The following KLRG1 variants were observed in gnomAD, a reference collection of about 807,000 sequenced individuals.
The protein encoded by KLRG1 is killer cell lectin-like receptor subfamily G member 1.
Under a neutral mutation model 21.8 loss-of-function variants are expected in KLRG1, and 16 were observed. The ratio of observed to expected loss-of-function variants is 0.73; its 90% confidence interval spans 0.50 to 1.11. KLRG1 has a LOEUF of 1.11. KLRG1 is among the 50% of genes most tolerant of loss of function. The probability of loss-of-function intolerance (pLI) is 0.00; values close to 1 mark genes in which losing one functional copy is unlikely to be tolerated. For synonymous variants in KLRG1, 69 were observed against 75.9 expected, an observed-to-expected ratio of 0.91 and a Z score of 0.47; for missense variants, 173 against 218.3, an observed-to-expected ratio of 0.79 and a Z score of 1.31.
At chr12:9,107,903 C>A in the KLRG1 span, among the ~76,000 whole-genome samples, 1 of 150,864 alleles carries the variant, frequency 6.6e-6, no homozygotes, top group East Asian at 1.9e-4. Flanking sequence ...TTAAAAAAGT[C>A]TTTCTTATTA....
chr12:9,149,604 T>G, the KLRG1 span: 12 of 1,612,814 alleles, frequency 7.4e-6, no homozygotes, highest in Non-Finnish European at 9.3e-6. Context: ...CAGACTCATC[T>G]GAAAGATAAC....
At chr12:9,003,625 G>A (rs779201162) in intron 3 of KLRG1, among the ~76,000 whole-genome samples, 1 of 151,478 alleles carries the variant, frequency 6.6e-6, no homozygotes, top group Non-Finnish European at 1.5e-5. Flanking sequence ...CTTACCCCCA[G>A]CATGCACAGT....
chr12:9,083,325 C>A, the KLRG1 span, among the ~76,000 whole-genome samples: 1 of 151,374 alleles, frequency 6.6e-6, no homozygotes, highest in Non-Finnish European at 1.5e-5. Flanking sequence ...ACCAACATGG[C>A]ACATGTATAC....
the KLRG1 span, among the ~76,000 whole-genome samples, chr12:9,085,071 C>A: frequency 6.6e-6 from 1 of 151,964 alleles, no homozygotes. Flanking sequence ...TGTTGCAATG[C>A]AGTAATATCA....
chr12:9,099,293 G>T, the KLRG1 span: 1 of 1,264,280 alleles, frequency 7.9e-7, no homozygotes, highest in Non-Finnish European at 1.1e-6. Context: ...AACCCTTTTG[G>T]CCCTAATGTT....
At chr12:9,195,980 A>G in the KLRG1 span, among the ~76,000 whole-genome samples, 1 of 152,176 alleles carries the variant, frequency 6.6e-6, no homozygotes, top group African/African-American at 2.4e-5. Context: ...ACTGACAGCC[A>G]TAAATGTTAC....
At chr12:9,181,135 G>C in the KLRG1 span, 1 of 1,614,012 alleles carries the variant, frequency 6.2e-7, no homozygotes, top group Non-Finnish European at 8.5e-7. Flanking sequence ...AAATCCACCT[G>C]TGGGAAATGA....
At chr12:9,048,238 TG>T in the KLRG1 span, among the ~76,000 whole-genome samples, 3 of 152,214 alleles carry the variant, frequency 2.0e-5, no homozygotes. Flanking sequence ...TTCCAGAATA[TG>T]TGGAGATTAA....
chr12:8,954,453 A>C (rs1285981633), intron 1 of KLRG1, among the ~76,000 whole-genome samples: 1 of 151,900 alleles, frequency 6.6e-6, no homozygotes, highest in African/African-American at 2.4e-5. Context: ...GAGATGATGA[A>C]TATGTTAATT....
intron 1 of KLRG1, chr12:8,970,953 G>C (rs969892683): frequency 6.6e-6 from 1 of 152,054 alleles, no homozygotes; most frequent in Non-Finnish European, 1.5e-5. Context: ...ACATTTCTGG[G>C]ATAAACTGTA....
intron 1 of KLRG1, among the ~76,000 whole-genome samples, chr12:8,957,381 G>A (rs1051927759): frequency 6.6e-6 from 1 of 152,234 alleles, no homozygotes; most frequent in Non-Finnish European, 1.5e-5. Flanking sequence ...GCCCATGGCA[G>A]TAACTTCTGC....
chr12:9,047,778 T>A, the KLRG1 span, among the ~76,000 whole-genome samples: 1 of 152,150 alleles, frequency 6.6e-6, no homozygotes, highest in African/African-American at 2.4e-5. Context: ...ACAAATCACA[T>A]CTTAGAGCAA....
the KLRG1 span, among the ~76,000 whole-genome samples, chr12:9,074,032 G>A: frequency 6.7e-6 from 1 of 149,112 alleles, no homozygotes. Context: ...AGGTTGCAGT[G>A]AGCCGAGATT....
chr12:8,989,573 C>T lies in KLRG1; in HGVS notation c.-63C>T. On this transcript the variant is annotated 5_prime_UTR_variant, in exon 1 of 5. Coordinates refer to ENST00000356986, the MANE Select transcript of KLRG1 (RefSeq NM_005810.4). ...AGATTGGGCTGTTTCCTCACTGATACATATCCCTTCACACTTCTATAATTT... is the reference window on the plus strand; with the variant it reads ...AGATTGGGCTGTTTCCTCACTGATATATATCCCTTCACACTTCTATAATTT... 2.0e-6 allele frequency: 2 copies of T among 1,025,216 alleles called. No individual in the cohort carries two copies. Among genetic ancestry groups the T allele is most frequent in the Non-Finnish European group, 3.0e-6 (2 of 663,118 alleles). 63.5% of individuals were successfully genotyped at this position (1,025,216 alleles called of 1,614,324 possible).
At chr12:9,166,218 A>T in the KLRG1 span, 1 of 1,607,100 alleles carries the variant, frequency 6.2e-7, no homozygotes, top group Non-Finnish European at 8.5e-7. Context: ...GTAAGAGAAA[A>T]TTGTCTAGTT....
intron 3 of KLRG1, among the ~76,000 whole-genome samples, chr12:8,995,827 C>T (rs1056906845): frequency 4.0e-5 from 6 of 151,846 alleles, no homozygotes; most frequent in Non-Finnish European, 8.8e-5. Flanking sequence ...GAACTACAGG[C>T]GTGTGCCACC....
chr12:8,978,131 A>G (rs1216440468), intron 1 of KLRG1, among the ~76,000 whole-genome samples: 1 of 152,108 alleles, frequency 6.6e-6, no homozygotes, highest in Non-Finnish European at 1.5e-5. Flanking sequence ...CCACTATTAC[A>G]GTGTCATATG....
chr12:8,998,907 G>A (rs1947224370), intron 3 of KLRG1, among the ~76,000 whole-genome samples: 1 of 152,072 alleles, frequency 6.6e-6, no homozygotes, highest in Non-Finnish European at 1.5e-5. Context: ...TATTTATTGT[G>A]ATGAGGTCTC....
intron 3 of KLRG1, among the ~76,000 whole-genome samples, chr12:9,005,163 AT>A (rs1302254766): frequency 3.3e-5 from 5 of 149,446 alleles, no homozygotes; most frequent in Admixed American, 1.3e-4. Context: ...ATGAGAACAC[AT>A]GGACACAGGG....
Sources: gnomAD v4.1 joint callset for allele counts (sites outside exome capture counted in the v4.1 genomes callset) on GRCh38, gnomAD v4.1.1 for gene constraint, MANE v1.5 for transcripts, NCBI Gene and HGNC (gene_info 2026-07-23, HGNC 2026-07-21) for gene names.